CSMD3: variants seen among roughly 807,000 people sequenced by gnomAD.
CSMD3 encodes CUB and sushi domain-containing protein 3.
A neutral mutation model predicts 435.2 loss-of-function variants in CSMD3; 177 were observed. That is an observed-to-expected ratio of 0.41 (90% CI 0.36 to 0.46). CSMD3 has a LOEUF of 0.46. Ranked by LOEUF, CSMD3 falls within the 20% of genes least tolerant of loss-of-function variation. The pLI is 0.34. For synonymous variants in CSMD3, 1,656 were observed against 1,520.5 expected, an observed-to-expected ratio of 1.09 and a Z score of -2.07; for missense variants, 4,265 against 4,504.6, an observed-to-expected ratio of 0.95 and a Z score of 1.52.
Position 112,859,259 on chromosome 8 carries a change from C to T in CSMD3, c.1641G>A (p.Thr547=), listed in dbSNP as rs112344068. 34 of 1,610,528 alleles carry T rather than the reference C, an allele frequency of 2.1e-5. No individual in the cohort carries two copies. The highest frequency in any genetic ancestry group is 1.3e-4 in the East Asian group (6 of 44,746). The change falls in exon 11 of 71, where the codon ACG becomes ACA. Residue 547 remains threonine (T), a synonymous_variant. Transcript: ENST00000297405. ...SDHRPVCKVK[T]CGSNLQGPSG... ...TTGGTCCTTGAAGATTAGAGCCACA[C>T]GTTTTCACTAAAAGAGAAATTGCAT...
intron 4 of CSMD3, among the ~76,000 whole-genome samples, chr8:113,155,980 T>C (rs2091921011): frequency 6.6e-6 from 1 of 152,088 alleles, no homozygotes; most frequent in Admixed American, 6.6e-5. Flanking sequence ...TTTTAATTCC[T>C]GGAATCAAGA....
intron 11 of CSMD3, among the ~76,000 whole-genome samples, chr8:112,833,088 A>AT (rs931101620): frequency 6.6e-6 from 1 of 152,102 alleles, no homozygotes; most frequent in Non-Finnish European, 1.5e-5. Context: ...TGTACCTTAT[A>AT]AGTCAGATAC....
intron 27 of CSMD3, among the ~76,000 whole-genome samples, chr8:112,532,332 A>G (rs1429378483): frequency 6.6e-6 from 1 of 152,174 alleles, no homozygotes; most frequent in Non-Finnish European, 1.5e-5. Context: ...TTCCAAATTT[A>G]GAGAAAAATA....
At chr8:112,464,224 C>T (rs913994242) in intron 32 of CSMD3, among the ~76,000 whole-genome samples, 7 of 139,604 alleles carry the variant, frequency 5.0e-5, no homozygotes, top group Non-Finnish European at 7.5e-5. Context: ...GGCGACAGAG[C>T]GAGACTCTGT....
intron 11 of CSMD3, among the ~76,000 whole-genome samples, chr8:112,841,747 TA>T (rs926981374): frequency 1.8e-4 from 28 of 151,728 alleles, no homozygotes; most frequent in Admixed American, 2.0e-4. Flanking sequence ...TGAGAATGTA[TA>T]GGGTGGACAC....
chr8:112,369,293 T>C (rs1828091930), intron 38 of CSMD3, among the ~76,000 whole-genome samples: 1 of 152,144 alleles, frequency 6.6e-6, no homozygotes, highest in African/African-American at 2.4e-5. Flanking sequence ...TAGATTTGTT[T>C]AATGCTTGAA....
At chr8:113,265,787 T>C (rs2093465137) in intron 3 of CSMD3, among the ~76,000 whole-genome samples, 1 of 151,458 alleles carries the variant, frequency 6.6e-6, no homozygotes, top group Non-Finnish European at 1.5e-5. Context: ...AGCTAAAAAG[T>C]CACTTGTGGA....
rs397701242 is a variant in CSMD3, at chr8:112,492,915, A to AG, written c.5084-233_5084-232insC. Among the ~76,000 whole-genome samples the AG allele has an allele frequency of 5.9e-5, 9 of 151,442 alleles. No homozygotes were observed. In the East Asian group the frequency reaches 1.7e-3, roughly 29 times the overall value. ...TATCCTGTATTATTAGTAATCTAGA[A>AG]TGATTTAATGTATGTGGGAGGATGT... On this transcript the variant is annotated intron_variant, in intron 30 of 70. Coordinates refer to ENST00000297405, the MANE Select transcript of CSMD3 (RefSeq NM_198123.2).
rs1832096169 is a variant in CSMD3, at chr8:112,409,002, G to T, written c.5426C>A (p.Thr1809Lys). The T allele has an allele frequency of 1.2e-6, 2 of 1,613,504 alleles. No homozygotes were observed. The highest frequency in any genetic ancestry group is 4.5e-5 in the East Asian group (2 of 44,850). ...CACCTCAACAACATCGTGGAGTGAT[G>T]TCTGGAAAAATACAAACTGGCCAAA... ...VVFGQFVFFQ[T>K]SLHDVVEVYD... is the part of the protein sequence containing the mutation. Residue 1809 changes from threonine (T) to lysine (K), a missense_variant, in exon 33 of 71, where the codon ACA becomes AAA. Thr to Lys is a moderately conservative substitution (Grantham distance 78, BLOSUM62 -1). Around this residue, in one of 3 missense-constraint regions of CSMD3, gnomAD observed 3,255 missense variants for 3,380.2 expected, o/e 0.96. Transcript: ENST00000297405.
chr8:112,557,293 T>C (rs1828210845), intron 24 of CSMD3, among the ~76,000 whole-genome samples: 2 of 151,954 alleles, frequency 1.3e-5, no homozygotes, highest in Admixed American at 1.3e-4. Flanking sequence ...ATATATTTGT[T>C]CTTTGTCCCT....
At chr8:112,630,483 G>A (rs1016728402) in intron 22 of CSMD3, among the ~76,000 whole-genome samples, 3 of 152,068 alleles carry the variant, frequency 2.0e-5, no homozygotes, top group African/African-American at 7.2e-5. Flanking sequence ...TGTATAAAGG[G>A]TATGTGAAGT....
intron 66 of CSMD3, among the ~76,000 whole-genome samples, chr8:112,239,259 A>G (rs1813881520): frequency 6.6e-6 from 1 of 151,996 alleles, no homozygotes; most frequent in South Asian, 2.1e-4. Context: ...TTGATTCACA[A>G]ATTGTTCATT....
chr8:112,380,340 T>C lies in CSMD3; in HGVS notation c.6136+12A>G. The C allele has an allele frequency of 2.2e-6, 3 of 1,377,952 alleles. No homozygotes were observed. Among genetic ancestry groups the C allele is most frequent in the Non-Finnish European group, 3.1e-6 (3 of 965,542 alleles). 85.4% of individuals were successfully genotyped at this position (1,377,952 alleles called of 1,614,324 possible). A position where few individuals can be genotyped will look rare whatever the true frequency, so the allele number is the denominator to read the frequency against. ...CTTAACCTTTTTGAATGGCACATGA[T>C]ATTATTTTTACCTGTGTATTCAAGA... On this transcript the variant is annotated intron_variant, in intron 38 of 70. Coordinates refer to ENST00000297405, the MANE Select transcript of CSMD3 (RefSeq NM_198123.2).
chr8:112,630,957 C>CACACAA (rs2074498103), intron 22 of CSMD3, among the ~76,000 whole-genome samples: 1 of 148,768 alleles, frequency 6.7e-6, no homozygotes, highest in Non-Finnish European at 1.5e-5. Context: ...CACACACACA[C>CACACAA]ACACACACAC....
chr8:112,771,233 A>C (rs1455279006), intron 13 of CSMD3, among the ~76,000 whole-genome samples: 2 of 152,150 alleles, frequency 1.3e-5, no homozygotes, highest in South Asian at 2.1e-4. Context: ...GCACTGATTA[A>C]ATGAGGAGTT....
chr8:112,712,225 G>T (rs2076624948), intron 13 of CSMD3, among the ~76,000 whole-genome samples: 1 of 152,002 alleles, frequency 6.6e-6, no homozygotes, highest in Non-Finnish European at 1.5e-5. Context: ...GGATCCTCAA[G>T]GAAATGTTAA....
intron 38 of CSMD3, among the ~76,000 whole-genome samples, chr8:112,379,313 T>C (rs1829251073): frequency 6.6e-6 from 1 of 151,916 alleles, no homozygotes; most frequent in Non-Finnish European, 1.5e-5. Flanking sequence ...CTACTAAAAA[T>C]ATAAAATTAG....
intron 1 of CSMD3, among the ~76,000 whole-genome samples, chr8:113,340,509 C>G (rs960053972): frequency 7.2e-5 from 11 of 152,052 alleles, no homozygotes; most frequent in Middle Eastern, 6.3e-3. Flanking sequence ...TTAGTTCTAG[C>G]AACAAATATT....
At chr8:113,095,156 C>T (rs1054733932) in intron 5 of CSMD3, among the ~76,000 whole-genome samples, 6 of 152,030 alleles carry the variant, frequency 3.9e-5, no homozygotes, top group Non-Finnish European at 7.4e-5. Context: ...AATATCTGTT[C>T]TCCAATTCTC....
Sources: gnomAD v4.1 joint callset for allele counts (sites outside exome capture counted in the v4.1 genomes callset) on GRCh38, gnomAD v4.1.1 for gene constraint, gnomAD v4.1.1 regional missense constraint, MANE v1.5 for transcripts, NCBI Gene and HGNC (gene_info 2026-07-23, HGNC 2026-07-21) for gene names.